Variants in FMNL1 observed in about 807,000 individuals in gnomAD.
The protein encoded by FMNL1 is formin-like protein 1.
A neutral mutation model predicts 121.3 loss-of-function variants in FMNL1; 43 were observed. The ratio of observed to expected loss-of-function variants is 0.35; its 90% CI spans 0.28 to 0.46. FMNL1 has a LOEUF of 0.46. Ranked by LOEUF, FMNL1 falls within the 20% of genes least tolerant of loss-of-function variation. The probability of loss-of-function intolerance (pLI) is 1.00; values close to 1 mark genes in which losing one functional copy is unlikely to be tolerated. For synonymous variants in FMNL1, 613 were observed against 613.5 expected (o/e 1.00, Z 0.01); for missense variants, 1,191 against 1,482.4 (o/e 0.80, Z 3.23).
At position 45,241,887 on chromosome 17, in the gene FMNL1, ACCG is replaced by A. The variant is rs1287683542; in HGVS notation, c.1635_1637del (p.Pro547del). 2.8e-6 allele frequency: 4 copies of A among 1,419,018 alleles called. No homozygotes were observed. The highest frequency in any genetic ancestry group is 3.7e-6 in the Non-Finnish European group (4 of 1,094,128). 87.9% of individuals were successfully genotyped at this position (1,419,018 alleles called of 1,614,324 possible). ...CAGAGCCGGCTCCCGGAGCAGCGCCACCGCCGCCGCCCCCACTGCCCGGCCTCC... is the reference window on the plus strand; with the variant it reads ...CAGAGCCGGCTCCCGGAGCAGCGCCACCGCCGCCCCCACTGCCCGGCCTCC... On this transcript the variant is annotated inframe_deletion, in exon 15 of 27. Coordinates refer to ENST00000331495, the MANE Select transcript of FMNL1 (RefSeq NM_005892.4). The surrounding 1 kb of genome is among the most constrained non-coding windows in gnomAD (Gnocchi z 7.0).
rs2043236559 is a variant in FMNL1 at position 45,222,060 on chromosome 17, C to T, written c.-65C>T. ...CCCCCGCCCGGGCCGGGAGCCTCGT[C>T]CCCGTCCCCCGGAAAGCTGGATTTC... On this transcript the variant is annotated 5_prime_UTR_variant, in exon 1 of 27. Transcript: ENST00000331495. 2 of 1,124,162 alleles carry T rather than the reference C, an allele frequency of 1.8e-6. No homozygotes were observed. Among genetic ancestry groups the T allele is most frequent in the Non-Finnish European group, 2.2e-6 (2 of 917,942 alleles). The allele number at this position is 1,124,162 out of a possible 1,614,324, so 69.6% of individuals were successfully genotyped here. A position where few individuals can be genotyped will look rare whatever the true frequency, so the allele number is the denominator to read the frequency against.
intron 6 of FMNL1, chr17:45,234,800 T>TA: frequency 6.4e-6 from 1 of 156,448 alleles, no homozygotes; most frequent in South Asian, 1.9e-4. Flanking sequence ...TGTATGCATC[T>TA]AATCCCCTGT....
Position 45,237,615 on chromosome 17 carries a change from T to G in FMNL1, c.870T>G (p.Leu290=), listed in dbSNP as rs754153301. Residue 290 remains leucine, a synonymous_variant, in exon 9 of 27, where the codon CTT becomes CTG. Transcript: ENST00000331495. This position sits in a 1 kb window ranked among gnomAD's most constrained non-coding sequence, Gnocchi z 4.4. The part of the protein sequence containing the change: ...CLVRGGHDII[L]AAFDNFKEVC... ...TGCGGGGAGGACATGACATCATCCTTGCAGCCTTTGACAACTTCAAGGAGG... is the reference window on the plus strand; with the variant it reads ...TGCGGGGAGGACATGACATCATCCTGGCAGCCTTTGACAACTTCAAGGAGG... 5.6e-6 allele frequency: 9 copies of G among 1,614,154 alleles called. No individual in the cohort carries two copies. The Admixed American group carries it at 8.3e-5, about 15-fold the overall frequency.
At chr17:45,246,010 G>T in intron 24 of FMNL1, 37 bp downstream of exon 24, 1 of 1,522,686 alleles carries the variant, frequency 6.6e-7, no homozygotes, top group Non-Finnish European at 8.8e-7. Flanking sequence ...CTGGGCTGCA[G>T]GGATGCATGG....
Position 45,241,216 on chromosome 17 carries a change from T to G in FMNL1, c.1318T>G (p.Leu440Val). 1 of 1,613,402 alleles carries G rather than the reference T, an allele frequency of 6.2e-7. No homozygotes were observed. Among genetic ancestry groups the G allele is most frequent in the Non-Finnish European group, 8.5e-7 (1 of 1,179,788 alleles). Reference protein sequence around the residue: ...EKQLSQARKELETLRERFSES... With the variant: ...EKQLSQARKEVETLRERFSES... ...ACAGCTAAGCCAGGCGCGCAAGGAG[T>G]TGGAGACCCTGCGGGTGAGGCTGGG... The change falls in exon 13 of 27, where the codon TTG becomes GTG. Residue 440 changes from leucine to valine, a missense_variant. Physicochemically the swap from Leu to Val is conservative, Grantham distance 32. This residue lies in a region of FMNL1 where 519 missense variants were observed against 492.8 expected (regional missense o/e 1.05). Transcript: ENST00000331495. This position sits in a 1 kb window ranked among gnomAD's most constrained non-coding sequence, Gnocchi z 7.0.
Position 45,234,084 on chromosome 17 carries a change from G to A in FMNL1, c.498G>A (p.Glu166=), listed in dbSNP as rs2043498711. The change falls in exon 6 of 27, where the codon GAG becomes GAA. Residue 166 remains glutamate (E), a synonymous_variant. Transcript: ENST00000331495. ...FAQCSVTYDM[E]STDNGASNSE... ...ATCCTGTCCCCAGGTATGACATGGA[G>A]AGCACAGACAACGGGGCTTCCAACT... is the stretch of plus-strand genomic sequence containing the variant. 1 of 1,614,096 alleles carries A rather than the reference G, an allele frequency of 6.2e-7. No individual in the cohort carries two copies. Among genetic ancestry groups the A allele is most frequent in the South Asian group, 1.1e-5 (1 of 91,074 alleles).
chr17:45,244,056 T>C, intron 18 of FMNL1, 31 bp downstream of exon 18: 1 of 1,600,136 alleles, frequency 6.2e-7, no homozygotes, highest in Non-Finnish European at 8.5e-7. Flanking sequence ...GCGGTGTGAC[T>C]TGGGAGGGGA....
intron 17 of FMNL1, 57 bp downstream of exon 17, chr17:45,243,377 T>C: frequency 6.3e-7 from 1 of 1,585,384 alleles, no homozygotes; most frequent in Non-Finnish European, 8.6e-7. Flanking sequence ...AGGCTGGGGT[T>C]GTCAGGCAGA....
chr17:45,222,439 C>G (rs886213360), intron 1 of FMNL1, among the ~76,000 whole-genome samples, 186 bp downstream of exon 1: 37 of 152,118 alleles, frequency 2.4e-4, no homozygotes, highest in Non-Finnish European at 4.1e-4. Flanking sequence ...CACTCTCCCC[C>G]CAAAACTTTC....
rs1404337186 is a variant in FMNL1 at position 45,240,687 on chromosome 17, G to A, written c.1230+62G>A. 3 of 1,560,554 alleles carry A rather than the reference G, an allele frequency of 1.9e-6. No individual in the cohort carries two copies. The Admixed American group carries it at 5.9e-5, about 31-fold the overall frequency. ...AGGCCCACAGGGCACACGGGCCACA[G>A]GGCCACGCAAGCATGGGCACTGGGC... On this transcript the variant is annotated intron_variant, in intron 12 of 26. Transcript: ENST00000331495.
intron 12 of FMNL1, 175 bp from the exon 13 acceptor site, chr17:45,240,954 C>G: frequency 1.2e-6 from 1 of 801,974 alleles, no homozygotes; most frequent in South Asian, 1.7e-5. Flanking sequence ...ACCTTGGTTT[C>G]CTCTCCTTAT....
rs2043704266 is a variant in FMNL1 at position 45,241,817 on chromosome 17, C to T, written c.1586-30C>T. On this transcript the variant is annotated intron_variant, in intron 14 of 26. Coordinates refer to ENST00000331495, the MANE Select transcript of FMNL1 (RefSeq NM_005892.4). This position sits in a 1 kb window ranked among gnomAD's most constrained non-coding sequence, Gnocchi z 7.0. ...CCCAAGTCAAGGAGCTGACTCGCGC[C>T]TCCCCCACGCCGCGCCCTCGCTGGC... The T allele has an allele frequency of 7.1e-7, 1 of 1,409,002 alleles. No homozygotes were observed. The allele number at this position is 1,409,002 out of a possible 1,614,324, so 87.3% of individuals were successfully genotyped here. A position where few individuals can be genotyped will look rare whatever the true frequency, so the allele number is the denominator to read the frequency against.
Position 45,246,952 on chromosome 17 carries a change from C to T in FMNL1, c.*94C>T, listed in dbSNP as rs1467869639. On this transcript the variant is annotated 3_prime_UTR_variant, in exon 27 of 27. Coordinates refer to ENST00000331495, the MANE Select transcript of FMNL1 (RefSeq NM_005892.4). Reference sequence around the variant, plus strand: ...CCCCGGGCCCCCCACTGCAGGTCACCTCCGACCTCTCGCTGTAGCCGCTAT... The same window carrying T: ...CCCCGGGCCCCCCACTGCAGGTCACTTCCGACCTCTCGCTGTAGCCGCTAT... 3 of 752,064 alleles carry T rather than the reference C, an allele frequency of 4.0e-6. No homozygotes were observed. Among genetic ancestry groups the T allele is most frequent in the Admixed American group, 3.5e-5 (2 of 57,080 alleles). 46.6% of individuals were successfully genotyped at this position (752,064 alleles called of 1,614,324 possible).
chr17:45,229,603 G>A (rs1353521639), intron 1 of FMNL1, among the ~76,000 whole-genome samples: 2 of 152,216 alleles, frequency 1.3e-5, no homozygotes, highest in African/African-American at 2.4e-5. Flanking sequence ...CAATAACCTG[G>A]GGTTTACTAA....
At chr17:45,240,991 G>C in intron 12 of FMNL1, 138 bp from the exon 13 acceptor site, 1 of 1,089,614 alleles carries the variant, frequency 9.2e-7, no homozygotes. Context: ...GCCAGGCTCG[G>C]CCCACCCTTG....
Position 45,238,984 on chromosome 17 carries a change from G to A in FMNL1, c.999G>A (p.Val333=). 1 of 1,614,136 alleles carries A rather than the reference G, an allele frequency of 6.2e-7. No homozygotes were observed. The highest frequency in any genetic ancestry group is 8.5e-7 in the Non-Finnish European group (1 of 1,180,004). The change falls in exon 11 of 27, where the codon GTG becomes GTA. Residue 333 remains valine (V), a synonymous_variant. Transcript: ENST00000331495. The part of the protein sequence containing the change: ...MVACMQFINI[V]VHSVENMNFR... ...CCTGCATGCAGTTCATCAACATTGT[G>A]GTACATTCGGTGGAGAACATGAACT...
In FMNL1 at chr17:45,243,144, A is replaced by G. The variant is rs762837336; in HGVS notation, c.2037A>G (p.Glu679=). 3.1e-6 allele frequency: 5 copies of G among 1,614,104 alleles called. No individual in the cohort carries two copies. The highest frequency in any genetic ancestry group is 3.4e-6 in the Non-Finnish European group (4 of 1,180,036). Residue 679 remains glutamate, a synonymous_variant, in exon 17 of 27, where the codon GAA becomes GAG. Coordinates refer to ENST00000331495, the MANE Select transcript of FMNL1 (RefSeq NM_005892.4). ...LQELDMSDFE[E]QFKTKSQGPS... ...AGCTAGACATGAGTGATTTTGAGGA[A>G]CAGTTCAAGACCAAGTCCCAAGGCC...
At position 45,236,250 on chromosome 17, in the gene FMNL1, C is replaced by CCGAGGGG; in HGVS notation, c.723+8_723+14dup. The CCGAGGGG allele has an allele frequency of 6.2e-7, 1 of 1,612,622 alleles. No individual in the cohort carries two copies. Among genetic ancestry groups the CCGAGGGG allele is most frequent in the Non-Finnish European group, 8.5e-7 (1 of 1,179,096 alleles). ...GCGCCATCATGAACTACCAGGTCAGCCGAGGGGCATGGGACTGGCGACTAG... is the reference window on the plus strand; with the variant it reads ...GCGCCATCATGAACTACCAGGTCAGCCGAGGGGCGAGGGGCATGGGACTGGCGACTAG... On this transcript the variant is annotated splice_region_variant and intron_variant, in intron 7 of 26. Transcript: ENST00000331495.
chr17:45,239,181 C>T (rs956679336), intron 11 of FMNL1, 116 bp downstream of exon 11: 11 of 786,954 alleles, frequency 1.4e-5, no homozygotes, highest in Admixed American at 6.2e-5. Context: ...CTGGCTCTGC[C>T]GTTGCCTGCC....
Sources: allele counts gnomAD v4.1 joint callset (sites outside exome capture counted in the v4.1 genomes callset), GRCh38; gene constraint gnomAD v4.1.1; regional missense constraint gnomAD v4.1.1; non-coding constraint Gnocchi (gnomAD v3.1); transcripts MANE v1.5; gene names NCBI Gene and HGNC (gene_info 2026-07-23, HGNC 2026-07-21).